SLC35F1: variants seen among roughly 807,000 people sequenced by gnomAD.
SLC35F1 encodes solute carrier family 35 member F1.
Under a neutral mutation model 48.7 loss-of-function variants are expected in SLC35F1, and 14 were observed. The observed-to-expected ratio is 0.29, with a 90% CI of 0.19 to 0.45. The LOEUF (loss-of-function observed/expected upper bound fraction) is 0.45. Among genes scored for constraint, SLC35F1 ranks in the 20% least tolerant of loss-of-function variants. SLC35F1 has a pLI of 1.00. For synonymous variants in SLC35F1, 190 were observed against 202.2 expected (o/e 0.94, Z 0.51); for missense variants, 404 against 500.0 (o/e 0.81, Z 1.83).
intron 2 of SLC35F1, among the ~76,000 whole-genome samples, chr6:118,186,929 C>T (rs1443199598): frequency 1.3e-5 from 2 of 152,210 alleles, no homozygotes; most frequent in East Asian, 3.8e-4. Flanking sequence ...CTGATGTAGT[C>T]ATAAATTTTC....
intron 1 of SLC35F1, among the ~76,000 whole-genome samples, chr6:118,012,543 T>A (rs997971917): frequency 6.6e-6 from 1 of 152,166 alleles, no homozygotes; most frequent in Admixed American, 6.5e-5. Flanking sequence ...AGGATCCTGC[T>A]GCTTCCTTCC....
intron 1 of SLC35F1, among the ~76,000 whole-genome samples, chr6:118,153,261 TAAC>T (rs35654635): frequency 0.22 from 33,108 of 151,986 alleles, 4,011 homozygotes; most frequent in East Asian, 0.39. Context: ...GTGATATAGT[TAAC>T]AATAATATAT....
At chr6:118,102,133 A>C (rs1773266531) in intron 1 of SLC35F1, among the ~76,000 whole-genome samples, 1 of 152,210 alleles carries the variant, frequency 6.6e-6, no homozygotes, top group African/African-American at 2.4e-5. Flanking sequence ...CTGCTGATGT[A>C]AGCAACATAA....
intron 1 of SLC35F1, among the ~76,000 whole-genome samples, chr6:118,062,181 A>G (rs908613077): frequency 6.6e-6 from 1 of 152,146 alleles, no homozygotes; most frequent in African/African-American, 2.4e-5. Flanking sequence ...AAGGTGCCAA[A>G]ACTTCAATTA....
intron 1 of SLC35F1, among the ~76,000 whole-genome samples, chr6:117,923,484 A>G (rs543004177): frequency 6.6e-5 from 5 of 76,100 alleles, no homozygotes; most frequent in East Asian, 7.5e-4. Flanking sequence ...ACATACATGT[A>G]TATATATATA....
intron 1 of SLC35F1, among the ~76,000 whole-genome samples, chr6:117,997,870 C>T (rs990935057): frequency 2.0e-4 from 31 of 152,152 alleles, no homozygotes; most frequent in Admixed American, 5.9e-4. Flanking sequence ...CATCAACTAA[C>T]GAGCAAAATA....
chr6:117,922,311 A>G (rs17079565), intron 1 of SLC35F1, among the ~76,000 whole-genome samples: 68,795 of 152,064 alleles, frequency 0.45, 18,562 homozygotes, highest in South Asian at 0.73. Flanking sequence ...ATTCATAAAT[A>G]CTTTCCTGAA....
chr6:117,975,505 C>T (rs1264405779), intron 1 of SLC35F1, among the ~76,000 whole-genome samples: 1 of 152,128 alleles, frequency 6.6e-6, no homozygotes, highest in Non-Finnish European at 1.5e-5. Context: ...TTAGTATGAT[C>T]TCCCTCCCAC....
chr6:117,969,789 T>G (rs4946307), intron 1 of SLC35F1, among the ~76,000 whole-genome samples: 57,368 of 152,042 alleles, frequency 0.38, 11,290 homozygotes, highest in South Asian at 0.52. Context: ...GTTTTTCTTT[T>G]CTAGAATATA....
At chr6:118,084,831 C>T (rs552606717) in intron 1 of SLC35F1, among the ~76,000 whole-genome samples, 2 of 151,958 alleles carry the variant, frequency 1.3e-5, no homozygotes, top group African/African-American at 2.4e-5. Flanking sequence ...TGAGATGATT[C>T]CCTGGGACCA....
At chr6:118,275,394 G>A in intron 4 of SLC35F1, 65 bp from the exon 5 acceptor site, 1 of 1,527,144 alleles carries the variant, frequency 6.5e-7, no homozygotes, top group Non-Finnish European at 8.8e-7. Context: ...ATTTGCCGAT[G>A]CCAGATTCTT....
chr6:117,994,535 CA>C (rs1233151886), intron 1 of SLC35F1, among the ~76,000 whole-genome samples: 1 of 152,208 alleles, frequency 6.6e-6, no homozygotes, highest in Non-Finnish European at 1.5e-5. Flanking sequence ...ATCCTTACTA[CA>C]ACCCTATGAG....
intron 3 of SLC35F1, among the ~76,000 whole-genome samples, chr6:118,240,057 G>C (rs1775417448): frequency 6.6e-6 from 1 of 152,152 alleles, no homozygotes; most frequent in South Asian, 2.1e-4. Context: ...CATAGTATGT[G>C]TTTTACTCAT....
intron 3 of SLC35F1, among the ~76,000 whole-genome samples, chr6:118,240,836 C>T (rs879773406): frequency 5.9e-5 from 9 of 152,040 alleles, no homozygotes; most frequent in Admixed American, 3.9e-4. Flanking sequence ...CGAGCAGGGT[C>T]GTGTCTGGGC....
chr6:118,250,580 G>A (rs1183175929), intron 3 of SLC35F1, among the ~76,000 whole-genome samples: 3 of 152,316 alleles, frequency 2.0e-5, no homozygotes, highest in Non-Finnish European at 2.9e-5. Flanking sequence ...GATTTAGGGA[G>A]CCAGAGAGGG....
chr6:118,317,461 C>T lies in SLC35F1; in HGVS notation c.*3209C>T, dbSNP rs2114679712. 6.6e-6 allele frequency: 1 copy of T among 151,976 alleles called. No individual in the cohort carries two copies. Among genetic ancestry groups the T allele is most frequent in the South Asian group, 2.1e-4 (1 of 4,794 alleles). 9.4% of individuals were successfully genotyped at this position (151,976 alleles called of 1,614,324 possible). The stretch of plus-strand genomic sequence containing the variant: ...AGCTAGCTACCAGTACAGATTTTAC[C>T]CCATGGGTAGGATTCTATTGTTAAG... On this transcript the variant is annotated 3_prime_UTR_variant, in exon 8 of 8. Transcript: ENST00000360388.
At chr6:118,311,199 G>A (rs1449351766) in intron 7 of SLC35F1, among the ~76,000 whole-genome samples, 1 of 152,066 alleles carries the variant, frequency 6.6e-6, no homozygotes, top group African/African-American at 2.4e-5. Context: ...GATGATTTTT[G>A]GAGTCAATGA....
intron 1 of SLC35F1, among the ~76,000 whole-genome samples, chr6:118,086,655 C>T (rs1294880042): frequency 6.6e-6 from 1 of 152,196 alleles, no homozygotes; most frequent in Non-Finnish European, 1.5e-5. Flanking sequence ...GCTACCAGCT[C>T]TAATTTAGGA....
intron 1 of SLC35F1, among the ~76,000 whole-genome samples, chr6:118,069,993 G>C (rs951717135): frequency 1.6e-4 from 24 of 150,928 alleles, no homozygotes; most frequent in Non-Finnish European, 3.1e-4. Context: ...AAAATTAGCC[G>C]GGCGCGGTGG....
Sources: gnomAD v4.1 joint callset for allele counts (sites outside exome capture counted in the v4.1 genomes callset) on GRCh38, gnomAD v4.1.1 for gene constraint, MANE v1.5 for transcripts, NCBI Gene and HGNC (gene_info 2026-07-23, HGNC 2026-07-21) for gene names.